The following SH3PXD2A variants were observed in gnomAD, a reference collection of about 807,000 sequenced individuals.
SH3PXD2A encodes the protein SH3 and PX domains 2A.
SH3PXD2A carries 32 observed loss-of-function variants against 115.2 expected under a neutral mutation model. The ratio of observed to expected loss-of-function variants is 0.28; its 90% CI spans 0.21 to 0.37. The LOEUF (loss-of-function observed/expected upper bound fraction) is 0.37, where lower values mean the gene tolerates loss of function less well. Among genes scored for constraint, SH3PXD2A ranks in the 10% least tolerant of loss-of-function variants. SH3PXD2A has a pLI of 1.00. For missense variants in SH3PXD2A, 1,328 were observed against 1,498.7 expected, an observed-to-expected ratio of 0.89 and a Z score of 1.88; for synonymous variants, 610 against 629.1, an observed-to-expected ratio of 0.97 and a Z score of 0.45.
chr10:103,634,939 C>T (rs1397808967), intron 8 of SH3PXD2A, among the ~76,000 whole-genome samples: 3 of 152,092 alleles, frequency 2.0e-5, no homozygotes, highest in Non-Finnish European at 4.4e-5. Flanking sequence ...AGGGAGGTAG[C>T]TTAGGTTGAG....
intron 5 of SH3PXD2A, among the ~76,000 whole-genome samples, chr10:103,717,213 T>A (rs1045878936): frequency 7.9e-5 from 12 of 152,088 alleles, no homozygotes; most frequent in Non-Finnish European, 1.6e-4. Flanking sequence ...CTCCCCGAGG[T>A]GGGCAGTTCA....
At chr10:103,634,134 C>G (rs2036830000) in intron 8 of SH3PXD2A, among the ~76,000 whole-genome samples, 1 of 152,228 alleles carries the variant, frequency 6.6e-6, no homozygotes, top group African/African-American at 2.4e-5. Flanking sequence ...TGAGTGCAGA[C>G]CCATCCTCCA....
chr10:103,820,569 G>A (rs1445237716), intron 1 of SH3PXD2A, among the ~76,000 whole-genome samples: 2 of 152,088 alleles, frequency 1.3e-5, no homozygotes, highest in Non-Finnish European at 2.9e-5. Context: ...GGGGAGGGCG[G>A]CCCCCTCCCT....
rs189122322 is a variant in SH3PXD2A, at chr10:103,841,694, G to C, written c.72+13501C>G. Among the ~76,000 whole-genome samples the C allele has an allele frequency of 1.6e-3, 249 of 152,144 alleles. 2 individuals are homozygous for C. Among genetic ancestry groups the C allele is most frequent in the African/African-American group, 5.7e-3 (238 of 41,496 alleles). ...CCACTCAGGCCACACCAGCCACCTC[G>C]GGGCCTTGGCACCTGTTGTTCCCTC... On this transcript the variant is annotated intron_variant, in intron 1 of 14. Transcript: ENST00000369774.
At chr10:103,815,490 C>A in intron 1 of SH3PXD2A, among the ~76,000 whole-genome samples, 1 of 149,364 alleles carries the variant, frequency 6.7e-6, no homozygotes, top group South Asian at 2.1e-4. Flanking sequence ...AATATACACA[C>A]ACACACAGTG....
At chr10:103,724,194 C>T in intron 5 of SH3PXD2A, 76 bp downstream of exon 5, 1 of 700,582 alleles carries the variant, frequency 1.4e-6, no homozygotes. Context: ...TTCCCACAGC[C>T]TCAGCCTCCC....
intron 1 of SH3PXD2A, among the ~76,000 whole-genome samples, chr10:103,809,484 TG>T (rs1362610534): frequency 6.6e-6 from 1 of 152,178 alleles, no homozygotes; most frequent in Non-Finnish European, 1.5e-5. Context: ...ACTGCAGACC[TG>T]GGCCAGATGG....
At chr10:103,710,898 C>G (rs749364886) in intron 5 of SH3PXD2A, among the ~76,000 whole-genome samples, 1 of 151,854 alleles carries the variant, frequency 6.6e-6, no homozygotes, top group East Asian at 1.9e-4. Context: ...TAGTGGGGCA[C>G]GGTGGCATGT....
chr10:103,796,126 G>A (rs953870212), intron 2 of SH3PXD2A, among the ~76,000 whole-genome samples: 3 of 151,908 alleles, frequency 2.0e-5, no homozygotes, highest in East Asian at 1.9e-4. Flanking sequence ...TTGGAAGACC[G>A]AGGCGGAAGG....
rs1332598263 is a variant in SH3PXD2A, at chr10:103,594,881, A to G, written c.*6935T>C. On this transcript the variant is annotated 3_prime_UTR_variant, in exon 15 of 15. Transcript: ENST00000369774. ...TACTTGAGAATGACTGGTACCAACA[A>G]GACGACAAAGGAGGTTGCCTTCCTC... is the stretch of plus-strand genomic sequence containing the variant. 6.6e-6 allele frequency: 1 copy of G among 152,232 alleles called. No individual in the cohort carries two copies. The highest frequency in any genetic ancestry group is 1.5e-5 in the Non-Finnish European group (1 of 68,042). 9.4% of individuals were successfully genotyped at this position (152,232 alleles called of 1,614,324 possible). A position where few individuals can be genotyped will look rare whatever the true frequency, so the allele number is the denominator to read the frequency against.
chr10:103,702,621 G>A (rs1389817258), intron 5 of SH3PXD2A, among the ~76,000 whole-genome samples: 1 of 152,070 alleles, frequency 6.6e-6, no homozygotes, highest in Admixed American at 6.5e-5. Flanking sequence ...GTGCATGCTG[G>A]GTGCGGAGGG....
rs1010411625 is a variant in SH3PXD2A, at chr10:103,627,944, C to T, written c.605-742G>A. Reference sequence around the variant, plus strand: ...CTTCTTCCCTGACACTTCTTTGCCCCCAAAAGTGATTTGGTACTGATTCTC... The same window carrying T: ...CTTCTTCCCTGACACTTCTTTGCCCTCAAAAGTGATTTGGTACTGATTCTC... On this transcript the variant is annotated intron_variant, in intron 8 of 14. Transcript: ENST00000369774. The surrounding 1 kb of genome is among the most constrained non-coding windows in gnomAD (Gnocchi z 4.4). 3.9e-5 allele frequency among the ~76,000 whole-genome samples: 6 copies of T among 152,196 alleles called. No homozygotes were observed. Among genetic ancestry groups the T allele is most frequent in the Non-Finnish European group, 7.3e-5 (5 of 68,030 alleles).
intron 1 of SH3PXD2A, among the ~76,000 whole-genome samples, chr10:103,810,532 C>G (rs1349460823): frequency 6.6e-6 from 1 of 152,152 alleles, no homozygotes; most frequent in African/African-American, 2.4e-5. Context: ...GAATTTCAAT[C>G]CATACATGTC....
chr10:103,696,882 T>C (rs2037831481), intron 5 of SH3PXD2A, among the ~76,000 whole-genome samples: 1 of 152,162 alleles, frequency 6.6e-6, no homozygotes, highest in Non-Finnish European at 1.5e-5. Context: ...GGGCTCAAAC[T>C]GGACAAACTG....
chr10:103,684,716 T>A (rs1351469347), intron 6 of SH3PXD2A, among the ~76,000 whole-genome samples: 1 of 152,056 alleles, frequency 6.6e-6, no homozygotes, highest in African/African-American at 2.4e-5. Flanking sequence ...ATTCACTTTA[T>A]TAAAAACCAA....
intron 5 of SH3PXD2A, among the ~76,000 whole-genome samples, chr10:103,711,410 G>A (rs1236527575): frequency 6.6e-6 from 1 of 152,140 alleles, no homozygotes; most frequent in African/African-American, 2.4e-5. Context: ...AACTACCTGG[G>A]GTTGGGGATG....
At chr10:103,710,298 C>T (rs1183050913) in intron 5 of SH3PXD2A, among the ~76,000 whole-genome samples, 2 of 152,102 alleles carry the variant, frequency 1.3e-5, no homozygotes. Flanking sequence ...TCGCTTGAGC[C>T]TGGGAGGTGA....
chr10:103,662,694 C>T (rs1435838384), intron 7 of SH3PXD2A, among the ~76,000 whole-genome samples: 4 of 152,034 alleles, frequency 2.6e-5, no homozygotes, highest in Admixed American at 6.5e-5. Flanking sequence ...CCACCGCGCC[C>T]GGCCTATGAT....
intron 1 of SH3PXD2A, among the ~76,000 whole-genome samples, chr10:103,829,784 A>G (rs981999515): frequency 7.9e-5 from 12 of 152,250 alleles, no homozygotes; most frequent in African/African-American, 2.7e-4. Context: ...GTAATGGTCC[A>G]CTCCAGCAAT....
Sources: allele counts gnomAD v4.1 joint callset (sites outside exome capture counted in the v4.1 genomes callset), GRCh38; gene constraint gnomAD v4.1.1; non-coding constraint Gnocchi (gnomAD v3.1); transcripts MANE v1.5; gene names NCBI Gene and HGNC (gene_info 2026-07-23, HGNC 2026-07-21).